ZNF704: variants seen among roughly 807,000 people sequenced by gnomAD.
ZNF704 encodes zinc finger protein 704, also known as glucocorticoid induced gene 1.
A neutral mutation model predicts 44.7 loss-of-function variants in ZNF704; 10 were observed. The ratio of observed to expected loss-of-function variants is 0.22; its 90% CI spans 0.14 to 0.38. ZNF704 has a LOEUF of 0.38. Ranked by LOEUF, ZNF704 falls within the 10% of genes least tolerant of loss-of-function variation. The pLI, the probability that ZNF704 is intolerant of heterozygous loss-of-function variation, is 1.00. For missense variants in ZNF704, 390 were observed against 545.5 expected (o/e 0.71, Z 2.84); for synonymous variants, 211 against 207.6 (o/e 1.02, Z -0.14).
At chr8:80,764,839 T>C (rs1293488767) in intron 2 of ZNF704, among the ~76,000 whole-genome samples, 2 of 152,250 alleles carry the variant, frequency 1.3e-5, no homozygotes, top group Non-Finnish European at 2.9e-5. Flanking sequence ...ATATATCTCT[T>C]ACATTTTGTT....
chr8:80,879,338 G>T (rs1003556660), upstream of ZNF704, among the ~76,000 whole-genome samples: 38 of 151,668 alleles, frequency 2.5e-4, no homozygotes, highest in Admixed American at 2.0e-3. Flanking sequence ...CTGGGCTGAA[G>T]CTGTCCTCCC....
At chr8:80,736,867 A>T (rs570022703) in intron 2 of ZNF704, among the ~76,000 whole-genome samples, 2 of 152,276 alleles carry the variant, frequency 1.3e-5, no homozygotes, top group East Asian at 3.9e-4. Flanking sequence ...ATTTAAAAAA[A>T]TTGGTGCTTG....
chr8:80,695,356 T>C (rs1818708975), intron 2 of ZNF704, among the ~76,000 whole-genome samples: 1 of 152,170 alleles, frequency 6.6e-6, no homozygotes, highest in African/African-American at 2.4e-5. Context: ...CAAGACTGAA[T>C]TAGGAGGGCT....
At chr8:80,671,593 G>C (rs1241226909) in intron 4 of ZNF704, among the ~76,000 whole-genome samples, 2 of 152,188 alleles carry the variant, frequency 1.3e-5, no homozygotes, top group African/African-American at 4.8e-5. Flanking sequence ...AAATTTTATA[G>C]AAAGTGAGTT....
intron 6 of ZNF704, among the ~76,000 whole-genome samples, chr8:80,661,958 C>T (rs1182276681): frequency 1.3e-5 from 2 of 152,128 alleles, no homozygotes; most frequent in Non-Finnish European, 2.9e-5. Flanking sequence ...ATGTTCCCAA[C>T]ACACAGAAAT....
intron 1 of ZNF704, among the ~76,000 whole-genome samples, chr8:80,866,260 G>A (rs1027833551): frequency 8.5e-5 from 13 of 152,154 alleles, no homozygotes; most frequent in African/African-American, 3.1e-4. Context: ...GGGATAAAGA[G>A]GAAAAGCGAC....
chr8:80,652,885 A>G (rs1181560166), intron 7 of ZNF704, among the ~76,000 whole-genome samples: 2 of 152,250 alleles, frequency 1.3e-5, no homozygotes, highest in Admixed American at 6.5e-5. Context: ...TTTTAGACCA[A>G]TATCCCTGAT....
At chr8:80,671,331 G>A (rs1818274940) in intron 4 of ZNF704, among the ~76,000 whole-genome samples, 1 of 152,156 alleles carries the variant, frequency 6.6e-6, no homozygotes, top group Non-Finnish European at 1.5e-5. Flanking sequence ...GTTTTGCCAT[G>A]TTGCCCAGGC....
intron 2 of ZNF704, among the ~76,000 whole-genome samples, chr8:80,803,672 C>G (rs1807938977): frequency 6.6e-6 from 1 of 152,118 alleles, no homozygotes; most frequent in Non-Finnish European, 1.5e-5. Context: ...ACACCATATA[C>G]AAAAATTAAT....
At chr8:80,779,884 G>T (rs1807487579) in intron 2 of ZNF704, among the ~76,000 whole-genome samples, 2 of 150,034 alleles carry the variant, frequency 1.3e-5, no homozygotes, top group Admixed American at 6.6e-5. Flanking sequence ...TACATTTGCA[G>T]TCAAAATAGC....
intron 1 of ZNF704, among the ~76,000 whole-genome samples, chr8:80,824,360 GA>G (rs1197610007): frequency 6.6e-6 from 1 of 152,140 alleles, no homozygotes; most frequent in African/African-American, 2.4e-5. Context: ...AATGAAGTGA[GA>G]AGAGAAGTTT....
chr8:80,703,722 G>C (rs921286532), intron 2 of ZNF704, among the ~76,000 whole-genome samples: 1 of 152,166 alleles, frequency 6.6e-6, no homozygotes, highest in Non-Finnish European at 1.5e-5. Context: ...TGATCCTCCT[G>C]CCTCAGCCTC....
At position 80,630,691 on chromosome 8, in the gene ZNF704, T is replaced by C. The variant is rs909603065; in HGVS notation, c.*10675A>G. 1 of 152,204 alleles carries C rather than the reference T, an allele frequency of 6.6e-6. No individual in the cohort carries two copies. Among genetic ancestry groups the C allele is most frequent in the African/African-American group, 2.4e-5 (1 of 41,448 alleles). The allele number at this position is 152,204 out of a possible 1,614,324, so 9.4% of individuals were successfully genotyped here. ...TGATAGTCATGAACCCTTTGGGACC[T>C]AGCGATTTTTTCTTATCCTGAGTTC... On this transcript the variant is annotated 3_prime_UTR_variant, in exon 9 of 9. Transcript: ENST00000327835.
intron 1 of ZNF704, among the ~76,000 whole-genome samples, chr8:80,843,990 T>C (rs149131476): frequency 0.013 from 1,841 of 145,450 alleles, 22 homozygotes; most frequent in African/African-American, 0.031. Flanking sequence ...TATATATATA[T>C]ACACATACAC....
chr8:80,794,825 A>G (rs1392537241), intron 2 of ZNF704, among the ~76,000 whole-genome samples: 2 of 152,208 alleles, frequency 1.3e-5, no homozygotes, highest in Non-Finnish European at 2.9e-5. Flanking sequence ...ACTAAACTTG[A>G]GGCTTAGGTT....
intron 2 of ZNF704, among the ~76,000 whole-genome samples, chr8:80,790,407 TGCCTGA>T (rs1807684380): frequency 1.3e-5 from 2 of 152,084 alleles, no homozygotes; most frequent in African/African-American, 4.8e-5. Flanking sequence ...GAGTTAGGAA[TGCCTGA>T]GGGCCAAGGA....
intron 4 of ZNF704, among the ~76,000 whole-genome samples, chr8:80,681,288 GAAACTGCC>G (rs1335068642): frequency 6.6e-6 from 1 of 152,154 alleles, no homozygotes; most frequent in African/African-American, 2.4e-5. Flanking sequence ...AACTTTCTAA[GAAACTGCC>G]AAACTGTTTT....
intron 2 of ZNF704, among the ~76,000 whole-genome samples, chr8:80,774,585 A>C (rs1807379364): frequency 6.6e-6 from 1 of 152,116 alleles, no homozygotes; most frequent in Admixed American, 6.5e-5. Flanking sequence ...AGGGGTAATT[A>C]CTGCCCAGGG....
At chr8:80,837,266 T>C (rs939334213) in intron 1 of ZNF704, among the ~76,000 whole-genome samples, 2 of 152,200 alleles carry the variant, frequency 1.3e-5, no homozygotes, top group Admixed American at 6.5e-5. Context: ...ATCTCAATTC[T>C]TTCCTTATCA....
Sources: allele counts gnomAD v4.1 joint callset (sites outside exome capture counted in the v4.1 genomes callset), GRCh38; gene constraint gnomAD v4.1.1; transcripts MANE v1.5; gene names NCBI Gene and HGNC (gene_info 2026-07-23, HGNC 2026-07-21).